Variants in BPTF observed in about 807,000 individuals in gnomAD.
The protein encoded by BPTF is bromodomain PHD finger transcription factor.
BPTF carries 18 observed loss-of-function variants against 292.5 expected under a neutral mutation model. The ratio of observed to expected loss-of-function variants is 0.06; its 90% CI spans 0.04 to 0.09. The LOEUF (loss-of-function observed/expected upper bound fraction) is 0.09. BPTF is among the 10% of genes least tolerant of loss of function. The probability of loss-of-function intolerance (pLI) is 1.00; values close to 1 mark genes in which losing one functional copy is unlikely to be tolerated. For synonymous variants in BPTF, 1,225 were observed against 1,251.9 expected (o/e 0.98, Z 0.45); for missense variants, 2,726 against 3,498.7 (o/e 0.78, Z 5.57).
chr17:67,875,155 G>T lies in BPTF; in HGVS notation c.1864+135G>T, dbSNP rs139655166. 161 of 737,768 alleles carry T rather than the reference G, an allele frequency of 2.2e-4. No individual in the cohort carries two copies. In the African/African-American group the frequency reaches 2.6e-3, roughly 12 times the overall value. The allele number at this position is 737,768 out of a possible 1,614,324, so 45.7% of individuals were successfully genotyped here. On this transcript the variant is annotated intron_variant, in intron 4 of 27. Transcript: ENST00000306378. Reference sequence around the variant, plus strand: ...ATATTTCTAAAGAGATCAGGATACCGTCCCCTCTTATAACGTGTGTAACAA... The same window carrying T: ...ATATTTCTAAAGAGATCAGGATACCTTCCCCTCTTATAACGTGTGTAACAA...
intron 2 of BPTF, among the ~76,000 whole-genome samples, chr17:67,857,148 ATTTTTTT>A (rs35727338): frequency 1.4e-4 from 14 of 97,634 alleles, no homozygotes; most frequent in East Asian, 8.4e-4. Context: ...GTCTTTAACA[ATTTTTTT>A]TTTTTTTTTT....
chr17:67,906,786 C>G (rs1223138799), intron 9 of BPTF, among the ~76,000 whole-genome samples: 1 of 152,154 alleles, frequency 6.6e-6, no homozygotes, highest in East Asian at 1.9e-4. Context: ...TTTGCACTCT[C>G]TTCCCTTCAG....
chr17:67,894,718 T>C (rs1782093885), intron 7 of BPTF, among the ~76,000 whole-genome samples: 1 of 152,150 alleles, frequency 6.6e-6, no homozygotes, highest in Non-Finnish European at 1.5e-5. Context: ...CTAAAGTAAA[T>C]AGCATTTTTA....
Position 67,912,144 on chromosome 17 carries a change from T to G in BPTF, c.4260T>G (p.Gly1420=). The G allele has an allele frequency of 6.2e-7, 1 of 1,611,820 alleles. No individual in the cohort carries two copies. The highest frequency in any genetic ancestry group is 8.5e-7 in the Non-Finnish European group (1 of 1,179,136). ...ATAAACCCAAAATATATTTGAAAGG[T>G]GAATGCTTGAAAGAAATTTCTGAGA... ...KDNKPKIYLK[G]ECLKEISESR... Residue 1420 remains glycine (G), a synonymous_variant, in exon 11 of 28, where the codon GGT becomes GGG. Transcript: ENST00000306378.
chr17:67,899,014 C>T (rs1055038110), intron 7 of BPTF, among the ~76,000 whole-genome samples: 1 of 151,664 alleles, frequency 6.6e-6, no homozygotes, highest in Non-Finnish European at 1.5e-5. Context: ...GATATAGACA[C>T]AATTATTATA....
At chr17:67,844,482 C>T (rs1444184540) in intron 1 of BPTF, among the ~76,000 whole-genome samples, 812 of 150,954 alleles carry the variant, frequency 5.4e-3, no homozygotes, top group Non-Finnish European at 8.0e-3. Context: ...CTCCTGACCT[C>T]GTGATCCGCC....
At chr17:67,887,928 A>G (rs1400112762) in intron 4 of BPTF, among the ~76,000 whole-genome samples, 1 of 152,206 alleles carries the variant, frequency 6.6e-6, no homozygotes, top group Non-Finnish European at 1.5e-5. Context: ...TCCAAATCAG[A>G]AGCCCTTGAG....
At chr17:67,877,777 C>T (rs954683823) in intron 4 of BPTF, among the ~76,000 whole-genome samples, 3 of 152,082 alleles carry the variant, frequency 2.0e-5, no homozygotes, top group African/African-American at 7.2e-5. Context: ...CACCACCATG[C>T]CCAGCTTATT....
intron 7 of BPTF, among the ~76,000 whole-genome samples, chr17:67,894,733 C>A (rs1567999464): frequency 6.6e-6 from 1 of 152,104 alleles, no homozygotes; most frequent in Admixed American, 6.5e-5. Flanking sequence ...TTTTTATTGA[C>A]TAGAAAGAGC....
intron 4 of BPTF, among the ~76,000 whole-genome samples, chr17:67,879,136 CTTT>C (rs58205471): frequency 8.4e-6 from 1 of 118,998 alleles, no homozygotes; most frequent in Admixed American, 8.6e-5. Flanking sequence ...TTAATTATTT[CTTT>C]TTTTTTTTTT....
chr17:67,948,705 C>A lies in BPTF; in HGVS notation c.7926+399C>A, dbSNP rs188828047. Among the ~76,000 whole-genome samples, 532 of 152,274 alleles carry A rather than the reference C, an allele frequency of 3.5e-3. 1 individual carries two copies. Among genetic ancestry groups the A allele is most frequent in the Middle Eastern group, 0.01 (3 of 294 alleles). ...TGAGTCCATTAAATAAGACAAATTGCACCAGAATGAGGTGGCTCACTCCTA... is the reference window on the plus strand; with the variant it reads ...TGAGTCCATTAAATAAGACAAATTGAACCAGAATGAGGTGGCTCACTCCTA... On this transcript the variant is annotated intron_variant, in intron 23 of 27. Transcript: ENST00000306378.
At chr17:67,880,747 C>T (rs1281225981) in intron 4 of BPTF, among the ~76,000 whole-genome samples, 1 of 151,978 alleles carries the variant, frequency 6.6e-6, no homozygotes, top group East Asian at 1.9e-4. Context: ...AGTGATTATC[C>T]CACCTCAGCT....
chr17:67,982,541 T>C lies in BPTF; in HGVS notation c.*253T>C, dbSNP rs537264563. ...ACTATTGTGGCAGAAGCGAGAAAAC[T>C]TTGTTTATTGAAAAAAAAAGAAAAA... On this transcript the variant is annotated 3_prime_UTR_variant, in exon 28 of 28. Transcript: ENST00000306378. The C allele has an allele frequency of 1.1e-4, 40 of 369,268 alleles. No homozygotes were observed. Among genetic ancestry groups the C allele is most frequent in the African/African-American group, 3.6e-4 (17 of 47,820 alleles). The allele number at this position is 369,268 out of a possible 1,614,324, so 22.9% of individuals were successfully genotyped here.
In BPTF at chr17:67,825,558, G is replaced by C; in HGVS notation, c.-167G>C. ...GGCGGCTGAAGGCGATCCGGAGTGG[G>C]GCCCCAGCAATTCGGATTGAGCCTT... On this transcript the variant is annotated 5_prime_UTR_variant, in exon 1 of 28. Transcript: ENST00000306378. 2.3e-6 allele frequency: 1 copy of C among 430,164 alleles called. No individual in the cohort carries two copies. The highest frequency in any genetic ancestry group is 1.7e-5 in the South Asian group (1 of 59,602). 26.6% of individuals were successfully genotyped at this position (430,164 alleles called of 1,614,324 possible).
At chr17:67,914,972 G>A (rs917335480) in intron 11 of BPTF, among the ~76,000 whole-genome samples, 2 of 152,086 alleles carry the variant, frequency 1.3e-5, no homozygotes, top group African/African-American at 4.8e-5. Flanking sequence ...GGAGGCATGG[G>A]TAAATATGTA....
At position 67,846,121 on chromosome 17, in the gene BPTF, T is replaced by C. The variant is rs998819581; in HGVS notation, c.614-7819T>C. Reference sequence around the variant, plus strand: ...CATTGTATTTAGTGGCAATCTTCTGTAAATAAATCTTTCAAATATAAAAGA... The same window carrying C: ...CATTGTATTTAGTGGCAATCTTCTGCAAATAAATCTTTCAAATATAAAAGA... On this transcript the variant is annotated intron_variant, in intron 1 of 27. Coordinates refer to ENST00000306378, the MANE Select transcript of BPTF (RefSeq NM_182641.4). 2.7e-4 allele frequency among the ~76,000 whole-genome samples: 41 copies of C among 152,318 alleles called. No homozygotes were observed. The South Asian group carries it at 8.5e-3, about 32-fold the overall frequency.
rs2055900441 is a variant in BPTF, at chr17:67,825,509, C to T, written c.-216C>T. On this transcript the variant is annotated 5_prime_UTR_variant, in exon 1 of 28. Transcript: ENST00000306378. Reference sequence around the variant, plus strand: ...GGCCGCTGTCGGTTCCCCCAGTCACCGAGCGAGAGGGAAGAAACAAGATGG... The same window carrying T: ...GGCCGCTGTCGGTTCCCCCAGTCACTGAGCGAGAGGGAAGAAACAAGATGG... 4 of 418,656 alleles carry T rather than the reference C, an allele frequency of 9.6e-6. No individual in the cohort carries two copies. Among genetic ancestry groups the T allele is most frequent in the Admixed American group, 2.7e-5 (1 of 36,422 alleles). The allele number at this position is 418,656 out of a possible 1,614,324, so 25.9% of individuals were successfully genotyped here. A position where few individuals can be genotyped will look rare whatever the true frequency, so the allele number is the denominator to read the frequency against.
At position 67,967,202 on chromosome 17, in the gene BPTF, C is replaced by T. The variant is rs185006061; in HGVS notation, c.8539+546C>T. Among the ~76,000 whole-genome samples, 16 of 149,702 alleles carry T rather than the reference C, an allele frequency of 1.1e-4. No individual in the cohort carries two copies. In the South Asian group the frequency reaches 2.6e-3, roughly 24 times the overall value. Reference sequence around the variant, plus strand: ...TTGTCGCCAGGCTGGAGTGTACTAGCGCGATCTCACATCACTACAACCTCC... The same window carrying T: ...TTGTCGCCAGGCTGGAGTGTACTAGTGCGATCTCACATCACTACAACCTCC... On this transcript the variant is annotated intron_variant, in intron 26 of 27. Transcript: ENST00000306378.
chr17:67,843,495 C>T (rs2057742856), intron 1 of BPTF, among the ~76,000 whole-genome samples: 1 of 149,112 alleles, frequency 6.7e-6, no homozygotes, highest in East Asian at 2.0e-4. Context: ...CGTACCTGGC[C>T]TTACATGAGA....
Sources: allele counts gnomAD v4.1 joint callset (sites outside exome capture counted in the v4.1 genomes callset), GRCh38; gene constraint gnomAD v4.1.1; transcripts MANE v1.5; gene names NCBI Gene and HGNC (gene_info 2026-07-23, HGNC 2026-07-21).